The following STXBP4 variants were observed in gnomAD, a reference collection of about 807,000 sequenced individuals.
STXBP4 encodes syntaxin binding protein 4, also known as syntaxin-binding protein 4.
Under a neutral mutation model 76.1 loss-of-function variants are expected in STXBP4, and 55 were observed. The ratio of observed to expected loss-of-function variants is 0.72; its 90% CI spans 0.58 to 0.91. The LOEUF (loss-of-function observed/expected upper bound fraction) is 0.91. Among genes scored for constraint, STXBP4 ranks in the 40% least tolerant of loss-of-function variants. The pLI, the probability that STXBP4 is intolerant of heterozygous loss-of-function variation, is 0.00. For missense variants in STXBP4, 618 were observed against 636.9 expected (o/e 0.97, Z 0.32); for synonymous variants, 201 against 220.2 (o/e 0.91, Z 0.77).
the STXBP4 span, among the ~76,000 whole-genome samples, chr17:55,197,514 C>T: frequency 1.1e-4 from 17 of 152,106 alleles, no homozygotes; most frequent in Non-Finnish European, 5.9e-5. Context: ...GAGGCCAAGG[C>T]GGGCAGATAA....
chr17:55,122,502 GA>G (rs1350337312), intron 16 of STXBP4, among the ~76,000 whole-genome samples: 1 of 152,202 alleles, frequency 6.6e-6, no homozygotes, highest in Non-Finnish European at 1.5e-5. Flanking sequence ...TACAAATGCA[GA>G]GATAAATGAA....
intron 1 of STXBP4, among the ~76,000 whole-genome samples, chr17:54,984,110 C>G (rs2077589499): frequency 6.6e-6 from 1 of 152,056 alleles, no homozygotes; most frequent in African/African-American, 2.4e-5. Flanking sequence ...TTTTTACCAC[C>G]CAGACCAGTG....
At position 55,170,926 on chromosome 17, in the gene STXBP4, A is replaced by C. The variant is rs2080402765; in HGVS notation, c.*11015A>C. 1 of 152,198 alleles carries C rather than the reference A, an allele frequency of 6.6e-6. No homozygotes were observed. Among genetic ancestry groups the C allele is most frequent in the African/African-American group, 2.4e-5 (1 of 41,464 alleles). The allele number at this position is 152,198 out of a possible 1,614,324, so 9.4% of individuals were successfully genotyped here. ...CATTGTCTGGGGAGGGCCAAGTTTC[A>C]TGACAGAGAAAGACTGGGGCCAATT... On this transcript the variant is annotated 3_prime_UTR_variant, in exon 18 of 18. Coordinates refer to ENST00000376352, the MANE Select transcript of STXBP4 (RefSeq NM_178509.6).
chr17:55,091,666 T>C (rs2079416777), intron 16 of STXBP4, among the ~76,000 whole-genome samples: 1 of 152,218 alleles, frequency 6.6e-6, no homozygotes. Flanking sequence ...GCAAGCATGA[T>C]GGTGATGCCA....
Position 55,159,939 on chromosome 17 carries a change from T to G in STXBP4, c.*28T>G. 1 of 1,420,482 alleles carries G rather than the reference T, an allele frequency of 7.0e-7. No individual in the cohort carries two copies. Among genetic ancestry groups the G allele is most frequent in the Non-Finnish European group, 1.0e-6 (1 of 1,004,132 alleles). 88.0% of individuals were successfully genotyped at this position (1,420,482 alleles called of 1,614,324 possible). ...GTTTTCCTTAGGAAGTGGAGCTACA[T>G]GGATGATGTGAGCAGAGACGCATAA... On this transcript the variant is annotated 3_prime_UTR_variant, in exon 18 of 18. Transcript: ENST00000376352.
chr17:55,121,911 G>A (rs536464012), intron 16 of STXBP4, among the ~76,000 whole-genome samples: 2 of 152,134 alleles, frequency 1.3e-5, no homozygotes, highest in East Asian at 1.9e-4. Context: ...AAGACGAAAT[G>A]TGTAGGGATC....
At chr17:55,209,322 A>G in the STXBP4 span, among the ~76,000 whole-genome samples, 1 of 152,146 alleles carries the variant, frequency 6.6e-6, no homozygotes, top group Non-Finnish European at 1.5e-5. Flanking sequence ...CTGGGAGAAG[A>G]GTAGGTCTTC....
intron 7 of STXBP4, among the ~76,000 whole-genome samples, chr17:55,003,329 A>G (rs1369546133): frequency 6.6e-6 from 1 of 152,202 alleles, no homozygotes; most frequent in Non-Finnish European, 1.5e-5. Context: ...TGAAAAATAT[A>G]TTTAAGTAAG....
At position 55,048,996 on chromosome 17, in the gene STXBP4, C is replaced by G. The variant is rs556334606; in HGVS notation, c.1011+1842C>G. Among the ~76,000 whole-genome samples the G allele has an allele frequency of 2.9e-4, 44 of 151,986 alleles. 1 individual carries two copies. The highest frequency in any genetic ancestry group is 6.8e-3 in the Middle Eastern group (2 of 292). On this transcript the variant is annotated intron_variant, in intron 12 of 17. Transcript: ENST00000376352. ...GACTTTAGAGGAAAATAAATGCACA[C>G]TGCCTCCAAGTAAAAAGATTAAGCA...
chr17:55,077,600 C>T (rs1372946681), intron 13 of STXBP4, among the ~76,000 whole-genome samples: 1 of 152,094 alleles, frequency 6.6e-6, no homozygotes, highest in South Asian at 2.1e-4. Context: ...TGCTTCAGTG[C>T]TCTCTTACCC....
intron 14 of STXBP4, among the ~76,000 whole-genome samples, chr17:55,078,435 A>G (rs2079215352): frequency 1.3e-5 from 2 of 152,168 alleles, no homozygotes; most frequent in Admixed American, 6.6e-5. Context: ...ATTTTAATGA[A>G]TACTTTACCA....
intron 15 of STXBP4, among the ~76,000 whole-genome samples, chr17:55,079,082 T>G (rs1342234927): frequency 6.6e-6 from 1 of 152,212 alleles, no homozygotes; most frequent in Admixed American, 6.5e-5. Flanking sequence ...GGTTCACTAC[T>G]AAAAGTGTCT....
At chr17:55,136,422 T>G (rs1408300481) in intron 16 of STXBP4, among the ~76,000 whole-genome samples, 1 of 152,162 alleles carries the variant, frequency 6.6e-6, no homozygotes, top group Non-Finnish European at 1.5e-5. Flanking sequence ...TTAAAATATT[T>G]AAACTGAAAA....
intron 16 of STXBP4, among the ~76,000 whole-genome samples, chr17:55,130,188 T>G (rs1056295500): frequency 1.3e-5 from 2 of 152,170 alleles, no homozygotes; most frequent in Non-Finnish European, 2.9e-5. Flanking sequence ...CCCCAGATAC[T>G]CCAGATAAAA....
At chr17:54,996,911 A>G (rs1433167308) in intron 4 of STXBP4, among the ~76,000 whole-genome samples, 2 of 152,248 alleles carry the variant, frequency 1.3e-5, no homozygotes, top group South Asian at 2.1e-4. Flanking sequence ...CGTTTTTAAC[A>G]GAAGTGTTTA....
At chr17:54,984,476 G>A (rs1460207226) in intron 1 of STXBP4, among the ~76,000 whole-genome samples, 2 of 151,250 alleles carry the variant, frequency 1.3e-5, no homozygotes, top group African/African-American at 4.9e-5. Context: ...CCGAGTAGCT[G>A]GGACTACAGG....
At position 55,033,388 on chromosome 17, in the gene STXBP4, T is replaced by TA. The variant is rs549017331; in HGVS notation, c.764-777dup. On this transcript the variant is annotated intron_variant, in intron 9 of 17. Transcript: ENST00000376352. Reference sequence around the variant, plus strand: ...GACTCCATCTCAAAAAATAAATAAATAAATAAAATAAAATAAATAAATAAA... The same window carrying TA: ...GACTCCATCTCAAAAAATAAATAAATAAAATAAAATAAAATAAATAAATAAA... Among the ~76,000 whole-genome samples, 220 of 151,098 alleles carry TA rather than the reference T, an allele frequency of 1.5e-3. 7 individuals are homozygous for TA. The South Asian group carries it at 0.045, about 31-fold the overall frequency.
At chr17:55,141,701 A>G (rs1037487744) in intron 17 of STXBP4, among the ~76,000 whole-genome samples, 17 of 152,176 alleles carry the variant, frequency 1.1e-4, no homozygotes, top group Non-Finnish European at 2.1e-4. Context: ...TCCGTTTTGT[A>G]TATCTTTGAA....
In STXBP4 at chr17:55,078,100, A is replaced by C; in HGVS notation, c.1211A>C (p.Lys404Thr). Reference sequence around the variant, plus strand: ...CAGGAAAGTGTTCAGGATTTAAAAAAGAGAATCATGGTACTCGACTGCCAA... The same window carrying C: ...CAGGAAAGTGTTCAGGATTTAAAAACGAGAATCATGGTACTCGACTGCCAA... Reference protein sequence around the residue: ...QNKESVQDLKKRIMVLDCQLR... With the variant: ...QNKESVQDLKTRIMVLDCQLR... Residue 404 changes from lysine (K) to threonine (T), a missense_variant, in exon 14 of 18, where the codon AAG becomes ACG. Physicochemically the swap from Lys to Thr is moderately conservative, Grantham distance 78 (BLOSUM62 -1). Transcript: ENST00000376352. 1 of 1,610,108 alleles carries C rather than the reference A, an allele frequency of 6.2e-7. No individual in the cohort carries two copies. Among genetic ancestry groups the C allele is most frequent in the Non-Finnish European group, 8.5e-7 (1 of 1,178,304 alleles).
Sources: gnomAD v4.1 joint callset for allele counts (sites outside exome capture counted in the v4.1 genomes callset) on GRCh38, gnomAD v4.1.1 for gene constraint, MANE v1.5 for transcripts, NCBI Gene and HGNC (gene_info 2026-07-23, HGNC 2026-07-21) for gene names.